The following ITGA4 variants were observed in gnomAD, a reference collection of about 807,000 sequenced individuals.
ITGA4 encodes integrin subunit alpha 4, also known as integrin alpha-4.
A neutral mutation model predicts 133.6 loss-of-function variants in ITGA4; 63 were observed. That is an observed-to-expected ratio of 0.47 (90% confidence interval 0.38 to 0.58). The LOEUF is 0.58. ITGA4 is among the 20% of genes least tolerant of loss of function. ITGA4 has a pLI of 0.00. For synonymous variants in ITGA4, 483 were observed against 438.0 expected, an observed-to-expected ratio of 1.10 and a Z score of -1.28; for missense variants, 1,076 against 1,252.7, an observed-to-expected ratio of 0.86 and a Z score of 2.13.
At chr2:181,482,115 A>G (rs963900654) in intron 7 of ITGA4, among the ~76,000 whole-genome samples, 2 of 152,170 alleles carry the variant, frequency 1.3e-5, no homozygotes, top group African/African-American at 4.8e-5. Flanking sequence ...TGAGGCAAAC[A>G]ACACTTCCGG....
chr2:181,511,632 T>C, intron 16 of ITGA4, 67 bp from the exon 17 acceptor site: 1 of 838,456 alleles, frequency 1.2e-6, no homozygotes, highest in South Asian at 1.6e-5. Context: ...TGTCGTCATC[T>C]TTAAAATATA....
rs201268406 is a variant in ITGA4, at chr2:181,525,195, T to G, written c.2250-7T>G. Reference sequence around the variant, plus strand: ...GAATTCTAACAGGGTGTTTTCTGTTTGTATAGTGAAAATGAAGAGGAAATG... The same window carrying G: ...GAATTCTAACAGGGTGTTTTCTGTTGGTATAGTGAAAATGAAGAGGAAATG... On this transcript the variant is annotated splice_polypyrimidine_tract_variant and splice_region_variant and intron_variant, in intron 20 of 27. Coordinates refer to ENST00000397033, the MANE Select transcript of ITGA4 (RefSeq NM_000885.6). The G allele has an allele frequency of 6.9e-5, 107 of 1,555,284 alleles. No individual in the cohort carries two copies. Among genetic ancestry groups the G allele is most frequent in the Non-Finnish European group, 8.6e-5 (97 of 1,127,642 alleles).
intron 15 of ITGA4, among the ~76,000 whole-genome samples, chr2:181,501,742 A>C (rs1257798097): frequency 6.6e-6 from 1 of 152,140 alleles, no homozygotes; most frequent in East Asian, 1.9e-4. Flanking sequence ...AGTTTTCATC[A>C]ATTGAGACAA....
chr2:181,462,704 C>A (rs1559035560), intron 2 of ITGA4, among the ~76,000 whole-genome samples: 1 of 152,136 alleles, frequency 6.6e-6, no homozygotes, highest in Non-Finnish European at 1.5e-5. Context: ...CCAGCAGTTT[C>A]CCAAACTTTA....
Position 181,527,157 on chromosome 2 carries a change from T to TA in ITGA4, c.2340-136dup, listed in dbSNP as rs1686850870. ...GGCCCTAATTTAATTTCTTTTTAAA[T>TA]AAAATGTATATCTGACCACAAAACC... is the stretch of plus-strand genomic sequence containing the variant. On this transcript the variant is annotated intron_variant, in intron 21 of 27. Transcript: ENST00000397033. 7.8e-6 allele frequency: 4 copies of TA among 514,238 alleles called. No homozygotes were observed. In the Admixed American group the frequency reaches 1.3e-4, roughly 17 times the overall value. The allele number at this position is 514,238 out of a possible 1,614,324, so 31.9% of individuals were successfully genotyped here.
intron 12 of ITGA4, 38 bp downstream of exon 12, chr2:181,494,850 A>G (rs774265479): frequency 9.5e-7 from 1 of 1,053,072 alleles, no homozygotes; most frequent in Non-Finnish European, 1.5e-6. Flanking sequence ...AAATTGGAAT[A>G]AGCTCTATCA....
intron 14 of ITGA4, among the ~76,000 whole-genome samples, chr2:181,497,128 T>A (rs1377107245): frequency 2.0e-5 from 3 of 152,168 alleles, no homozygotes; most frequent in Non-Finnish European, 2.9e-5. Flanking sequence ...CAGAGTAAAT[T>A]ACACAGTAAC....
rs776212343 is a variant in ITGA4, at chr2:181,537,693, A to G, written c.*2166A>G. Reference sequence around the variant, plus strand: ...AATTATCTAGGTTAAATATTGATGTATTATGATGGTTGCAAAGTTTTTTTG... The same window carrying G: ...AATTATCTAGGTTAAATATTGATGTGTTATGATGGTTGCAAAGTTTTTTTG... On this transcript the variant is annotated 3_prime_UTR_variant, in exon 28 of 28. Coordinates refer to ENST00000397033, the MANE Select transcript of ITGA4 (RefSeq NM_000885.6). 3 of 431,810 alleles carry G rather than the reference A, an allele frequency of 6.9e-6. No individual in the cohort carries two copies. The highest frequency in any genetic ancestry group is 5.0e-5 in the South Asian group (3 of 60,306). The allele number at this position is 431,810 out of a possible 1,614,324, so 26.7% of individuals were successfully genotyped here. A position where few individuals can be genotyped will look rare whatever the true frequency, so the allele number is the denominator to read the frequency against.
intron 17 of ITGA4, among the ~76,000 whole-genome samples, chr2:181,514,497 A>T (rs1372739070): frequency 6.6e-6 from 1 of 150,926 alleles, no homozygotes; most frequent in African/African-American, 2.4e-5. Context: ...AGAAACAGAG[A>T]CTACGGACTA....
intron 10 of ITGA4, among the ~76,000 whole-genome samples, chr2:181,486,856 C>G (rs181002130): frequency 3.3e-5 from 5 of 152,054 alleles, no homozygotes; most frequent in African/African-American, 1.2e-4. Context: ...TTGATAAGGC[C>G]ATTGGCAATT....
At position 181,523,100 on chromosome 2, in the gene ITGA4, G is replaced by C. The variant is rs1265088472; in HGVS notation, c.2074-337G>C. On this transcript the variant is annotated intron_variant, in intron 18 of 27. Coordinates refer to ENST00000397033, the MANE Select transcript of ITGA4 (RefSeq NM_000885.6). This position sits in a 1 kb window ranked among gnomAD's most constrained non-coding sequence, Gnocchi z 4.2. ...AGGGAATATATCAAGATAAATGAAA[G>C]CTACAAGTCCAGAATTTTTTTTTTG... Among the ~76,000 whole-genome samples, 1 of 151,876 alleles carries C rather than the reference G, an allele frequency of 6.6e-6. No individual in the cohort carries two copies. The highest frequency in any genetic ancestry group is 2.1e-4 in the South Asian group (1 of 4,820).
chr2:181,522,863 CAG>C (rs1448439479), intron 18 of ITGA4, among the ~76,000 whole-genome samples: 1 of 152,174 alleles, frequency 6.6e-6, no homozygotes, highest in African/African-American at 2.4e-5. Context: ...GCAAAAGTAA[CAG>C]TGGAAACTCA....
At chr2:181,522,073 C>T in intron 17 of ITGA4, 118 bp from the exon 18 acceptor site, 1 of 515,000 alleles carries the variant, frequency 1.9e-6, no homozygotes, top group Non-Finnish European at 3.2e-6. Context: ...ATTGTTTTTC[C>T]AAGAAAATTA....
chr2:181,527,108 T>C (rs56402175), intron 21 of ITGA4, among the ~76,000 whole-genome samples, 189 bp from the exon 22 acceptor site: 7,671 of 152,064 alleles, frequency 0.05, 403 homozygotes, highest in African/African-American at 0.13. Context: ...ATTGCTGGGA[T>C]TACAGGCATG....
intron 2 of ITGA4, among the ~76,000 whole-genome samples, chr2:181,465,606 G>A (rs1041103155): frequency 6.6e-6 from 1 of 152,126 alleles, no homozygotes; most frequent in Non-Finnish European, 1.5e-5. Context: ...TTAAATCCAA[G>A]AGATTAATTG....
At chr2:181,464,963 A>C (rs1197165591) in intron 2 of ITGA4, among the ~76,000 whole-genome samples, 1 of 152,150 alleles carries the variant, frequency 6.6e-6, no homozygotes. Flanking sequence ...AATCTTTTTT[A>C]TATAAACTAT....
intron 2 of ITGA4, among the ~76,000 whole-genome samples, chr2:181,465,726 A>G (rs1013761196): frequency 1.3e-5 from 2 of 152,158 alleles, no homozygotes; most frequent in African/African-American, 2.4e-5. Context: ...CAAAATGTCC[A>G]TAGTTGAAAA....
At position 181,470,729 on chromosome 2, in the gene ITGA4, G is replaced by GC. The variant is rs560223596; in HGVS notation, c.320-4230dup. On this transcript the variant is annotated intron_variant, in intron 2 of 27. Coordinates refer to ENST00000397033, the MANE Select transcript of ITGA4 (RefSeq NM_000885.6). ...GCAGGCACAACAAAAGAAAAGAGAA[G>GC]CTGGGCATGGTGGTGGGCACCTATA... Among the ~76,000 whole-genome samples the GC allele has an allele frequency of 1.4e-3, 208 of 152,156 alleles. 2 individuals carry two copies. Among genetic ancestry groups the GC allele is most frequent in the Middle Eastern group, 0.01 (3 of 294 alleles).
Position 181,495,720 on chromosome 2 carries a change from C to T in ITGA4, c.1386-63C>T. ...TGAATGTAAACTGAAAAAACAAACG[C>T]ATTTCTCTCCTTAAGGAAAAATAAT... On this transcript the variant is annotated intron_variant, in intron 13 of 27. Transcript: ENST00000397033. This position sits in a 1 kb window ranked among gnomAD's most constrained non-coding sequence, Gnocchi z 4.3. 1.4e-6 allele frequency: 2 copies of T among 1,432,118 alleles called. No individual in the cohort carries two copies. The highest frequency in any genetic ancestry group is 1.8e-4 in the Middle Eastern group (1 of 5,564). 88.7% of individuals were successfully genotyped at this position (1,432,118 alleles called of 1,614,324 possible).
Sources: gnomAD v4.1 joint callset for allele counts (sites outside exome capture counted in the v4.1 genomes callset) on GRCh38, gnomAD v4.1.1 for gene constraint, Gnocchi (gnomAD v3.1) non-coding constraint, MANE v1.5 for transcripts, NCBI Gene and HGNC (gene_info 2026-07-23, HGNC 2026-07-21) for gene names.